The following PLEKHG5 variants were observed in gnomAD, a reference collection of about 807,000 sequenced individuals.
PLEKHG5 encodes pleckstrin homology domain-containing family G member 5.
A neutral mutation model predicts 103.8 loss-of-function variants in PLEKHG5; 52 were observed. The observed-to-expected ratio is 0.50, with a 90% CI of 0.40 to 0.63. The LOEUF (loss-of-function observed/expected upper bound fraction) is 0.63. Ranked by LOEUF, PLEKHG5 falls within the 30% of genes least tolerant of loss-of-function variation. The probability of loss-of-function intolerance (pLI) is 0.00; values close to 1 mark genes in which losing one functional copy is unlikely to be tolerated. For synonymous variants in PLEKHG5, 592 were observed against 575.5 expected (o/e 1.03, Z -0.41); for missense variants, 1,205 against 1,347.6 (o/e 0.89, Z 1.66).
intron 1 of PLEKHG5, chr1:6,485,974 G>GCCCC: frequency 1.1e-6 from 1 of 870,162 alleles, no homozygotes; most frequent in African/African-American, 2.0e-5. Flanking sequence ...GGGCGCTGGT[G>GCCCC]ACACCCCCCC....
At chr1:6,502,317 G>A (rs1488676885) in intron 1 of PLEKHG5, among the ~76,000 whole-genome samples, 3 of 152,268 alleles carry the variant, frequency 2.0e-5, no homozygotes, top group African/African-American at 7.2e-5. Flanking sequence ...GGGCAGGTCA[G>A]TGAAGTAGGG....
upstream of PLEKHG5, chr1:6,497,474 T>G (rs1569980201): frequency 2.7e-5 from 4 of 149,134 alleles, no homozygotes; most frequent in South Asian, 2.4e-4. The surrounding 1 kb of genome is among the most constrained non-coding windows in gnomAD (Gnocchi z 6.1). Flanking sequence ...CGGCCCCGCC[T>G]CGGGGGCGGG....
upstream of PLEKHG5, chr1:6,497,154 G>A: frequency 2.1e-6 from 2 of 975,130 alleles, no homozygotes; most frequent in Non-Finnish European, 3.1e-6. This position sits in a 1 kb window ranked among gnomAD's most constrained non-coding sequence, Gnocchi z 6.1. Flanking sequence ...GCGGGGTGCT[G>A]CCGAGGCAGG....
At chr1:6,477,222 T>A (rs1019802642) in intron 2 of PLEKHG5, among the ~76,000 whole-genome samples, 2 of 152,130 alleles carry the variant, frequency 1.3e-5, no homozygotes, top group Admixed American at 6.5e-5. Context: ...GCCCTGAGGA[T>A]AGGCAGAACT....
chr1:6,475,602 C>T, intron 3 of PLEKHG5, 80 bp from the exon 4 acceptor site: 3 of 1,246,900 alleles, frequency 2.4e-6, no homozygotes, highest in Non-Finnish European at 3.5e-6. Flanking sequence ...CCTGTGGCCT[C>T]CCCGCCCTTG....
upstream of PLEKHG5, chr1:6,496,753 C>T (rs1187000769): frequency 3.6e-6 from 2 of 557,404 alleles, no homozygotes; most frequent in East Asian, 3.3e-5. Flanking sequence ...GAGCCCTTTT[C>T]TCCTGCAGTC....
chr1:6,474,086 C>T lies in PLEKHG5; in HGVS notation c.518G>A (p.Arg173Gln), dbSNP rs142378760. 2.9e-5 allele frequency: 47 copies of T among 1,612,964 alleles called. No homozygotes were observed. In the Middle Eastern group the frequency reaches 1.3e-3, roughly 45 times the overall value. Residue 173 changes from arginine to glutamine, a missense_variant, in exon 7 of 21, where the codon CGG (arginine) becomes CAG (glutamine). By Grantham distance (43) the Arg-to-Gln change is conservative. Transcript: ENST00000377728. ...DSKSLSLPIL[R>Q]PAGTGPPALE... ...GGCGGGGGGCCCGGTCCCAGCTGGC[C>T]GCAGAATCGGCAAACTCAGGGACTT...
chr1:6,512,314 A>C (rs143593651), intron 1 of PLEKHG5, among the ~76,000 whole-genome samples: 2 of 152,278 alleles, frequency 1.3e-5, no homozygotes, highest in African/African-American at 4.8e-5. Context: ...AGCACTGTTC[A>C]AGCCCTGAGG....
At chr1:6,485,778 C>A in intron 1 of PLEKHG5, 1 of 661,024 alleles carries the variant, frequency 1.5e-6, no homozygotes, top group Non-Finnish European at 1.9e-6. Context: ...AGCCCCGCCT[C>A]CGCCCAGTCC....
Position 6,469,603 on chromosome 1 carries a change from C to T in PLEKHG5, c.1874G>A (p.Arg625Lys), listed in dbSNP as rs765998625. The T allele has an allele frequency of 6.2e-6, 10 of 1,613,874 alleles. 1 individual carries two copies. Among genetic ancestry groups the T allele is most frequent in the Non-Finnish European group, 8.5e-6 (10 of 1,180,026 alleles). The change falls in exon 17 of 21, where the codon AGG becomes AAG. Residue 625 changes from arginine to lysine, a missense_variant. Transcript: ENST00000377728. The stretch of plus-strand genomic sequence containing the variant: ...CACGAGCAGGGGTGGCCTGATGACC[C>T]TGGTCCTCTCTGCCTTCTTCACTGC... ...TKAVKKAERT[R>K]VIRPPLLVDK...
chr1:6,514,179 C>A (rs1344417002), intron 1 of PLEKHG5, among the ~76,000 whole-genome samples: 1 of 152,240 alleles, frequency 6.6e-6, no homozygotes, highest in African/African-American at 2.4e-5. Flanking sequence ...TAAAAATTAG[C>A]CAGGCATGGT....
chr1:6,477,708 C>T (rs776922204), intron 1 of PLEKHG5, 50 bp from the exon 2 acceptor site: 3 of 1,580,854 alleles, frequency 1.9e-6, no homozygotes, highest in East Asian at 2.2e-5. Context: ...CCACCACATC[C>T]CTCGACCCCG....
At position 6,470,620 on chromosome 1, in the gene PLEKHG5, G is replaced by T. The variant is rs771412597; in HGVS notation, c.1566C>A (p.Ile522=). 6.3e-7 allele frequency: 1 copy of T among 1,588,508 alleles called. No individual in the cohort carries two copies. Among genetic ancestry groups the T allele is most frequent in the Non-Finnish European group, 8.5e-7 (1 of 1,172,828 alleles). Residue 522 remains isoleucine (I), a synonymous_variant, in exon 15 of 21, where the codon ATC becomes ATA. Coordinates refer to ENST00000377728, the MANE Select transcript of PLEKHG5 (RefSeq NM_020631.6). ...VAMIGSVERF[I]HHVNACMRQR... is the part of the protein sequence containing the mutation. ...GCCGCATGCACGCGTTCACGTGGTG[G>T]ATGAAGCGCTCCACGGAGCCGATCT...
rs985652867 is a variant in PLEKHG5 at position 6,491,046 on chromosome 1, G to A, written c.-88+591C>T. Among the ~76,000 whole-genome samples, 1 of 151,980 alleles carries A rather than the reference G, an allele frequency of 6.6e-6. No individual in the cohort carries two copies. The highest frequency in any genetic ancestry group is 1.5e-5 in the Non-Finnish European group (1 of 67,996). On this transcript the variant is annotated intron_variant, in intron 1 of 20. Coordinates refer to ENST00000377728, the MANE Select transcript of PLEKHG5 (RefSeq NM_020631.6). This position sits in a 1 kb window ranked among gnomAD's most constrained non-coding sequence, Gnocchi z 4.1. ...TGTAAAAAGCTGGATTCTGATCTGC[G>A]GCCTCCGCGGTGCCCCAGAAACAGC... is the stretch of plus-strand genomic sequence containing the variant.
At chr1:6,482,663 CTG>C (rs1333338122) in intron 1 of PLEKHG5, among the ~76,000 whole-genome samples, 1 of 152,186 alleles carries the variant, frequency 6.6e-6, no homozygotes, top group Non-Finnish European at 1.5e-5. Context: ...CTTGAAGCCA[CTG>C]TGTGTGGGGC....
rs749662321 is a variant in PLEKHG5 at position 6,470,780 on chromosome 1, C to T, written c.1497G>A (p.Leu499=). 1.5e-5 allele frequency: 23 copies of T among 1,571,088 alleles called. No individual in the cohort carries two copies. The African/African-American group carries it at 2.7e-4, about 18-fold the overall frequency. The change falls in exon 14 of 21, where the codon CTG becomes CTA. Residue 499 remains leucine, a synonymous_variant. Coordinates refer to ENST00000377728, the MANE Select transcript of PLEKHG5 (RefSeq NM_020631.6). ...TKYPLLLKSV[L]RKTEEPRAKE... ...TGGCGCGCGGCTCCTCGGTCTTCCT[C>T]AGCACCGACTTGAGCAGCAGCGGGT...
In PLEKHG5 at chr1:6,467,591, A is replaced by G. The variant is rs1454937874; in HGVS notation, c.3012-19T>C. Reference sequence around the variant, plus strand: ...GACCTCCCTACAGGGTGGGGAGGGGACAGAGTCCTTCTTTGGCTGACGCCA... The same window carrying G: ...GACCTCCCTACAGGGTGGGGAGGGGGCAGAGTCCTTCTTTGGCTGACGCCA... On this transcript the variant is annotated intron_variant, in intron 20 of 20. Coordinates refer to ENST00000377728, the MANE Select transcript of PLEKHG5 (RefSeq NM_020631.6). The G allele has an allele frequency of 1.2e-6, 2 of 1,612,316 alleles. No homozygotes were observed. Among genetic ancestry groups the G allele is most frequent in the Admixed American group, 3.3e-5 (2 of 60,016 alleles).
intron 1 of PLEKHG5, 96 bp from the exon 2 acceptor site, chr1:6,477,754 CCAT>C: frequency 2.3e-6 from 3 of 1,312,606 alleles, no homozygotes; most frequent in Non-Finnish European, 3.1e-6. Context: ...GAACTGCCCT[CCAT>C]CTCTCGATCC....
intron 12 of PLEKHG5, 119 bp downstream of exon 12, chr1:6,471,369 G>T: frequency 8.3e-7 from 1 of 1,197,946 alleles, no homozygotes; most frequent in Non-Finnish European, 1.2e-6. Flanking sequence ...AAGGGGTCAA[G>T]TGCGGTTACG....
Sources: gnomAD v4.1 joint callset for allele counts (sites outside exome capture counted in the v4.1 genomes callset) on GRCh38, gnomAD v4.1.1 for gene constraint, Gnocchi (gnomAD v3.1) non-coding constraint, MANE v1.5 for transcripts, NCBI Gene and HGNC (gene_info 2026-07-23, HGNC 2026-07-21) for gene names.